MKX: variants seen among roughly 807,000 people sequenced by gnomAD.
MKX encodes mohawk homeobox.
MKX carries 13 observed loss-of-function variants against 36.0 expected under a neutral mutation model. The observed-to-expected ratio is 0.36, with a 90% CI of 0.24 to 0.57. MKX has a LOEUF of 0.57. Among genes scored for constraint, MKX ranks in the 20% least tolerant of loss-of-function variants. MKX has a pLI of 0.79. For missense variants in MKX, 458 were observed against 456.4 expected (o/e 1.00, Z -0.03); for synonymous variants, 176 against 178.3 (o/e 0.99, Z 0.10).
intron 5 of MKX, among the ~76,000 whole-genome samples, chr10:27,684,519 T>G (rs906333221): frequency 1.3e-5 from 2 of 152,168 alleles, no homozygotes; most frequent in African/African-American, 4.8e-5. Flanking sequence ...TTATACACAT[T>G]TTTTAAAAAG....
In MKX at chr10:27,695,152, G is replaced by C. The variant is rs192008348; in HGVS notation, c.839-19598C>G. 8.1e-4 allele frequency among the ~76,000 whole-genome samples: 124 copies of C among 152,166 alleles called. 1 individual carries two copies. The highest frequency in any genetic ancestry group is 3.7e-4 in the Non-Finnish European group (25 of 68,000). On this transcript the variant is annotated intron_variant, in intron 5 of 6. Transcript: ENST00000419761. ...ATTATTTTCAATGTCTACCCAGTTAGACCCCTCCCAGTTAATGGCCAGCAG... is the reference window on the plus strand; with the variant it reads ...ATTATTTTCAATGTCTACCCAGTTACACCCCTCCCAGTTAATGGCCAGCAG...
At chr10:27,675,491 A>G (rs1042329170) in intron 6 of MKX, 30 bp downstream of exon 6, 3 of 1,614,090 alleles carry the variant, frequency 1.9e-6, no homozygotes, top group African/African-American at 2.7e-5. Flanking sequence ...GCTGAAAAGC[A>G]GGAACGGCCA....
At position 27,743,516 on chromosome 10, in the gene MKX, T is replaced by A; in HGVS notation, c.-82-19A>T. 8.0e-7 allele frequency: 1 copy of A among 1,247,774 alleles called. No individual in the cohort carries two copies. Among genetic ancestry groups the A allele is most frequent in the Non-Finnish European group, 1.1e-6 (1 of 928,408 alleles). 77.3% of individuals were successfully genotyped at this position (1,247,774 alleles called of 1,614,324 possible). On this transcript the variant is annotated intron_variant, in intron 1 of 6. Coordinates refer to ENST00000419761, the MANE Select transcript of MKX (RefSeq NM_173576.3). ...TCGGCTTCTAGGAGAGGAAGGTGCA[T>A]CTCGTTACTTACTGGCTGAGAGTGC...
chr10:27,714,720 T>C (rs544498861), intron 5 of MKX, among the ~76,000 whole-genome samples: 30 of 152,344 alleles, frequency 2.0e-4, no homozygotes, highest in African/African-American at 6.5e-4. Flanking sequence ...CCTAAACTTA[T>C]GAAACAGAAG....
chr10:27,674,908 C>T lies in MKX; in HGVS notation c.*321G>A. 4.4e-6 allele frequency: 1 copy of T among 226,648 alleles called. No individual in the cohort carries two copies. The highest frequency in any genetic ancestry group is 1.2e-4 in the East Asian group (1 of 8,636). 14.0% of individuals were successfully genotyped at this position (226,648 alleles called of 1,614,324 possible). A position where few individuals can be genotyped will look rare whatever the true frequency, so the allele number is the denominator to read the frequency against. On this transcript the variant is annotated 3_prime_UTR_variant, in exon 7 of 7. Coordinates refer to ENST00000419761, the MANE Select transcript of MKX (RefSeq NM_173576.3). ...TGCACACAGGCTAATAAGCATATGGCGTTGGCATTTTGAGGCATAGCTTGT... is the reference window on the plus strand; with the variant it reads ...TGCACACAGGCTAATAAGCATATGGTGTTGGCATTTTGAGGCATAGCTTGT...
At position 27,673,896 on chromosome 10, in the gene MKX, T is replaced by C. The variant is rs1836094301; in HGVS notation, c.*1333A>G. ...CAGTTTAAAAAAAAAATAGATTACA[T>C]ACCCAGAAAAAAAAAATCCCATCAT... On this transcript the variant is annotated 3_prime_UTR_variant, in exon 7 of 7. Coordinates refer to ENST00000419761, the MANE Select transcript of MKX (RefSeq NM_173576.3). 1 of 151,418 alleles carries C rather than the reference T, an allele frequency of 6.6e-6. No individual in the cohort carries two copies. Among genetic ancestry groups the C allele is most frequent in the Non-Finnish European group, 1.5e-5 (1 of 67,940 alleles). The allele number at this position is 151,418 out of a possible 1,614,324, so 9.4% of individuals were successfully genotyped here. A position where few individuals can be genotyped will look rare whatever the true frequency, so the allele number is the denominator to read the frequency against.
chr10:27,697,934 C>G (rs1469677239), intron 5 of MKX, among the ~76,000 whole-genome samples: 4 of 152,144 alleles, frequency 2.6e-5, no homozygotes, highest in East Asian at 1.9e-4. Context: ...CTTCCAGCAG[C>G]AGGCAGCCTG....
intron 5 of MKX, among the ~76,000 whole-genome samples, chr10:27,677,952 C>T (rs939456871): frequency 6.6e-6 from 1 of 152,204 alleles, no homozygotes; most frequent in Non-Finnish European, 1.5e-5. Context: ...TATACCTCTG[C>T]TACTTTCCAT....
At chr10:27,680,179 C>T (rs1353266743) in intron 5 of MKX, among the ~76,000 whole-genome samples, 11 of 152,068 alleles carry the variant, frequency 7.2e-5, no homozygotes, top group Admixed American at 1.3e-4. Context: ...ACATTTGGCT[C>T]GGCTATATCT....
chr10:27,715,192 T>C (rs200780304), intron 5 of MKX, among the ~76,000 whole-genome samples: 55 of 76,618 alleles, frequency 7.2e-4, no homozygotes, highest in Non-Finnish European at 1.8e-3. Flanking sequence ...GGAGAATTGC[T>C]GCAGGCAGAC....
chr10:27,708,842 C>A (rs921963246), intron 5 of MKX, among the ~76,000 whole-genome samples: 4 of 151,828 alleles, frequency 2.6e-5, no homozygotes, highest in Admixed American at 2.6e-4. Context: ...AACAGTGAAT[C>A]GAAAAATATT....
In MKX at chr10:27,744,798, G is replaced by C. The variant is rs956265792; in HGVS notation, c.-83+909C>G. 6.5e-6 allele frequency: 1 copy of C among 154,054 alleles called. No individual in the cohort carries two copies. Among genetic ancestry groups the C allele is most frequent in the Non-Finnish European group, 1.4e-5 (1 of 70,012 alleles). 9.5% of individuals were successfully genotyped at this position (154,054 alleles called of 1,614,324 possible). ...GCCAACGCCCCCGCCCCGCCCTTCG[G>C]CCACCGCAGCAGAGGCCACGCGTGA... On this transcript the variant is annotated intron_variant, in intron 1 of 6. Coordinates refer to ENST00000419761, the MANE Select transcript of MKX (RefSeq NM_173576.3). This position sits in a 1 kb window ranked among gnomAD's most constrained non-coding sequence, Gnocchi z 5.6.
intron 5 of MKX, among the ~76,000 whole-genome samples, chr10:27,698,285 G>A (rs1333467898): frequency 6.6e-6 from 1 of 152,138 alleles, no homozygotes; most frequent in Non-Finnish European, 1.5e-5. Context: ...CAGGCATGGG[G>A]AGTCACTCAC....
chr10:27,729,462 G>A (rs1461216253), intron 5 of MKX, among the ~76,000 whole-genome samples: 1 of 151,776 alleles, frequency 6.6e-6, no homozygotes, highest in Admixed American at 6.6e-5. Context: ...GCTCCACCAT[G>A]CCTAGTTAAT....
chr10:27,689,640 G>T, intron 5 of MKX, among the ~76,000 whole-genome samples: 1 of 152,120 alleles, frequency 6.6e-6, no homozygotes, highest in East Asian at 1.9e-4. Flanking sequence ...GGAGCTAGAG[G>T]TCACAGAGCA....
At chr10:27,679,126 TG>T (rs1159517359) in intron 5 of MKX, among the ~76,000 whole-genome samples, 2 of 146,578 alleles carry the variant, frequency 1.4e-5, no homozygotes, top group Non-Finnish European at 3.0e-5. Flanking sequence ...TGTCGGGAGG[TG>T]GGGGGCTGGG....
intron 5 of MKX, among the ~76,000 whole-genome samples, chr10:27,691,412 T>C (rs1378258323): frequency 2.6e-5 from 4 of 152,178 alleles, no homozygotes; most frequent in Non-Finnish European, 5.9e-5. Context: ...ATTCCTGGTG[T>C]TCACTACGGT....
At chr10:27,679,383 C>A (rs1476808852) in intron 5 of MKX, among the ~76,000 whole-genome samples, 2 of 151,638 alleles carry the variant, frequency 1.3e-5, no homozygotes, top group Non-Finnish European at 2.9e-5. Flanking sequence ...AGCTGCTTAC[C>A]ACCACTTGGG....
chr10:27,739,903 C>CTTCTTATGAAACCTTCTCGTA (rs1834857295), intron 3 of MKX, among the ~76,000 whole-genome samples: 1 of 152,068 alleles, frequency 6.6e-6, no homozygotes, highest in Non-Finnish European at 1.5e-5. Flanking sequence ...TTTCATAAGT[C>CTTCTTATGAAACCTTCTCGTA]AGGTTTTTCT....
Sources: allele counts gnomAD v4.1 joint callset (sites outside exome capture counted in the v4.1 genomes callset), GRCh38; gene constraint gnomAD v4.1.1; non-coding constraint Gnocchi (gnomAD v3.1); transcripts MANE v1.5; gene names NCBI Gene and HGNC (gene_info 2026-07-23, HGNC 2026-07-21).